The following TEP1 variants were observed in gnomAD, a reference collection of about 807,000 sequenced individuals.
TEP1 encodes telomerase associated protein 1.
Under a neutral mutation model 306.3 loss-of-function variants are expected in TEP1, and 241 were observed. That is an observed-to-expected ratio of 0.79 (90% CI 0.71 to 0.88). TEP1 has a LOEUF of 0.88. Ranked by LOEUF, TEP1 falls within the 40% of genes least tolerant of loss-of-function variation. TEP1 has a pLI of 0.00. For synonymous variants in TEP1, 1,289 were observed against 1,305.5 expected, an observed-to-expected ratio of 0.99 and a Z score of 0.27; for missense variants, 3,051 against 3,276.1, an observed-to-expected ratio of 0.93 and a Z score of 1.68.
At chr14:20,369,164 C>T (rs1480596477) in intron 53 of TEP1, among the ~76,000 whole-genome samples, 180 bp downstream of exon 53, 7 of 152,080 alleles carry the variant, frequency 4.6e-5, no homozygotes, top group Non-Finnish European at 8.8e-5. Flanking sequence ...CCCGCCACCA[C>T]GCCCAGCTAA....
chr14:20,399,760 C>T (rs976563650), intron 9 of TEP1, among the ~76,000 whole-genome samples: 7 of 151,530 alleles, frequency 4.6e-5, no homozygotes, highest in African/African-American at 1.5e-4. Flanking sequence ...TGGGCATTTG[C>T]CTCAACCAGG....
At position 20,396,730 on chromosome 14, in the gene TEP1, T is replaced by A. The variant is rs370874038; in HGVS notation, c.1550A>T (p.Glu517Val). The change falls in exon 10 of 55, where the codon GAA (glutamate) becomes GTA (valine). Residue 517 changes from glutamate to valine, a missense_variant and splice_region_variant. Coordinates refer to ENST00000262715, the MANE Select transcript of TEP1 (RefSeq NM_007110.5). ...NKASVWEELI[E>V]NGKLPFMAML... ...GGCCATGAAGGGAAGCTTCCCATTT[T>A]CTGTGGAATGTGGGGCATAGAGTGA... The A allele has an allele frequency of 1.6e-5, 26 of 1,602,572 alleles. No homozygotes were observed. Among genetic ancestry groups the A allele is most frequent in the Non-Finnish European group, 2.1e-5 (25 of 1,172,264 alleles).
intron 46 of TEP1, 51 bp from the exon 47 acceptor site, chr14:20,373,453 T>C (rs375162511): frequency 6.2e-7 from 1 of 1,613,602 alleles, no homozygotes; most frequent in Non-Finnish European, 8.5e-7. Context: ...CAACAGAAGG[T>C]TATTCCGCAT....
chr14:20,375,963 C>T, intron 42 of TEP1, 95 bp from the exon 43 acceptor site: 1 of 1,465,482 alleles, frequency 6.8e-7, no homozygotes, highest in South Asian at 1.2e-5. Flanking sequence ...GAAAGAGGGG[C>T]ACAAGGAAGC....
chr14:20,383,683 A>C (rs752309024), intron 25 of TEP1, 39 bp from the exon 26 acceptor site: 1 of 1,608,124 alleles, frequency 6.2e-7, no homozygotes, highest in Admixed American at 1.7e-5. Flanking sequence ...TGGGAGAGAA[A>C]AAAAAAGCAG....
At chr14:20,375,144 T>C (rs142056330) in intron 43 of TEP1, among the ~76,000 whole-genome samples, 1 of 150,936 alleles carries the variant, frequency 6.6e-6, no homozygotes, top group African/African-American at 2.4e-5. Flanking sequence ...ACAGTGAGCA[T>C]ATAATAAATG....
intron 53 of TEP1, 32 bp downstream of exon 53, chr14:20,369,312 C>T: frequency 6.2e-7 from 1 of 1,611,014 alleles, no homozygotes; most frequent in Non-Finnish European, 8.5e-7. Context: ...CCAGCCCTCC[C>T]CTAGTATTTC....
At chr14:20,398,199 G>A (rs1397330926) in intron 9 of TEP1, among the ~76,000 whole-genome samples, 2 of 151,836 alleles carry the variant, frequency 1.3e-5, no homozygotes, top group Non-Finnish European at 1.5e-5. Context: ...CTAACACGGT[G>A]AAACCCCATC....
chr14:20,396,855 A>G, intron 9 of TEP1, 125 bp from the exon 10 acceptor site: 1 of 562,784 alleles, frequency 1.8e-6, no homozygotes, highest in Non-Finnish European at 3.1e-6. Context: ...GAACCCAGGA[A>G]TTAGAGTCCA....
Position 20,372,771 on chromosome 14 carries a change from T to C in TEP1, c.7038A>G (p.Gln2346=). 6.2e-7 allele frequency: 1 copy of C among 1,614,144 alleles called. No homozygotes were observed. Among genetic ancestry groups the C allele is most frequent in the Non-Finnish European group, 8.5e-7 (1 of 1,180,016 alleles). ...GTGCCGAACCCTTCCGCAGTTTCAC[T>C]TGCCACTCGCTGATTTTCTCATCAG... The part of the protein sequence containing the change: ...LSADEKISEW[Q]VKLRKGSAPG... Residue 2346 remains glutamine, a synonymous_variant, in exon 49 of 55, where the codon CAA becomes CAG. Transcript: ENST00000262715.
intron 27 of TEP1, 21 bp from the exon 28 acceptor site, chr14:20,382,736 G>A: frequency 4.3e-6 from 7 of 1,613,132 alleles, no homozygotes; most frequent in African/African-American, 1.3e-5. Context: ...TCAGGACTCA[G>A]GGTGGGGTCC....
chr14:20,389,582 A>C, intron 16 of TEP1, 28 bp downstream of exon 16: 1 of 1,611,166 alleles, frequency 6.2e-7, no homozygotes, highest in Non-Finnish European at 8.5e-7. Context: ...GATTTCTGAC[A>C]CTGGGCAGGA....
At chr14:20,396,049 C>A in intron 10 of TEP1, 100 bp from the exon 11 acceptor site, 33 of 723,564 alleles carry the variant, frequency 4.6e-5, no homozygotes, top group South Asian at 1.2e-4. Flanking sequence ...TACAGAAGGA[C>A]AAAATGAACT....
At chr14:20,388,343 G>A (rs767971195) in intron 17 of TEP1, among the ~76,000 whole-genome samples, 1 of 152,176 alleles carries the variant, frequency 6.6e-6, no homozygotes, top group Non-Finnish European at 1.5e-5. Context: ...AGGGAAAGGT[G>A]TAAAGATTAA....
intron 12 of TEP1, among the ~76,000 whole-genome samples, chr14:20,392,921 C>A (rs1877842732): frequency 6.6e-6 from 1 of 152,028 alleles, no homozygotes; most frequent in East Asian, 1.9e-4. Context: ...AAAAAAAGAT[C>A]AGTAAAGAAA....
chr14:20,404,298 T>C (rs527472833), intron 5 of TEP1, among the ~76,000 whole-genome samples: 1 of 142,348 alleles, frequency 7.0e-6, no homozygotes, highest in Non-Finnish European at 1.5e-5. Flanking sequence ...GAGGTTGCAG[T>C]GAGCCGAGAT....
intron 1 of TEP1, among the ~76,000 whole-genome samples, chr14:20,410,283 T>C (rs1024008267): frequency 7.9e-5 from 12 of 152,090 alleles, no homozygotes; most frequent in African/African-American, 2.9e-4. Flanking sequence ...ATCCATGTGG[T>C]GACATACTGT....
At chr14:20,400,541 A>AAGATAAC (rs900684926) in intron 9 of TEP1, 1 of 150,024 alleles carries the variant, frequency 6.7e-6, no homozygotes, top group Middle Eastern at 3.2e-3. Flanking sequence ...GAGAAAACTG[A>AAGATAAC]AGATAACTTG....
In TEP1 at chr14:20,383,653, G is replaced by GT; in HGVS notation, c.3711-10_3711-9insA. 1 of 1,612,430 alleles carries GT rather than the reference G, an allele frequency of 6.2e-7. No homozygotes were observed. Among genetic ancestry groups the GT allele is most frequent in the South Asian group, 1.1e-5 (1 of 90,702 alleles). On this transcript the variant is annotated splice_polypyrimidine_tract_variant and intron_variant, in intron 25 of 54. Coordinates refer to ENST00000262715, the MANE Select transcript of TEP1 (RefSeq NM_007110.5). Reference sequence around the variant, plus strand: ...GCTCCCACACCAGGCTTCTGTACATGGAGAGGAAGTCAGGGTCAGTGGGAG... The same window carrying GT: ...GCTCCCACACCAGGCTTCTGTACATGTGAGAGGAAGTCAGGGTCAGTGGGAG...
Sources: allele counts gnomAD v4.1 joint callset (sites outside exome capture counted in the v4.1 genomes callset), GRCh38; gene constraint gnomAD v4.1.1; transcripts MANE v1.5; gene names NCBI Gene and HGNC (gene_info 2026-07-23, HGNC 2026-07-21).